Variants in KIFAP3 observed in about 807,000 individuals in gnomAD.
The protein encoded by KIFAP3 is kinesin associated protein 3, also known as kinesin-associated protein 3.
KIFAP3 carries 68 observed loss-of-function variants against 106.5 expected under a neutral mutation model. The ratio of observed to expected loss-of-function variants is 0.64; its 90% confidence interval spans 0.53 to 0.78. The LOEUF (loss-of-function observed/expected upper bound fraction) is 0.78, where lower values mean the gene tolerates loss of function less well. Ranked by LOEUF, KIFAP3 falls within the 30% of genes least tolerant of loss-of-function variation. The pLI is 0.00. For synonymous variants in KIFAP3, 320 were observed against 311.5 expected (o/e 1.03, Z -0.29); for missense variants, 780 against 941.8 (o/e 0.83, Z 2.25).
At chr1:170,002,449 G>T (rs1667712460) in intron 10 of KIFAP3, among the ~76,000 whole-genome samples, 1 of 152,126 alleles carries the variant, frequency 6.6e-6, no homozygotes, top group Non-Finnish European at 1.5e-5. Context: ...TTGTGAAACA[G>T]GCCTGATGTG....
chr1:170,039,170 G>C, intron 4 of KIFAP3, 63 bp downstream of exon 4: 1 of 920,782 alleles, frequency 1.1e-6, no homozygotes, highest in Non-Finnish European at 1.7e-6. Flanking sequence ...GTGTATTATT[G>C]ATGGAAAAAG....
chr1:169,964,016 G>C (rs974465636), intron 17 of KIFAP3, among the ~76,000 whole-genome samples: 15 of 152,006 alleles, frequency 9.9e-5, no homozygotes, highest in Non-Finnish European at 1.5e-5. Flanking sequence ...AGTTAAATCT[G>C]ATACTAAACT....
chr1:169,967,119 A>G (rs1365660190), intron 17 of KIFAP3, among the ~76,000 whole-genome samples: 1 of 151,798 alleles, frequency 6.6e-6, no homozygotes, highest in Admixed American at 6.6e-5. Flanking sequence ...AGACTTCAGG[A>G]AAGGTTCAAA....
At chr1:169,923,128 T>C (rs1288681372) in intron 19 of KIFAP3, 1 of 983,658 alleles carries the variant, frequency 1.0e-6, no homozygotes, top group Non-Finnish European at 1.2e-6. Context: ...CAGGTTAGCA[T>C]TTGTACTGAG....
intron 9 of KIFAP3, among the ~76,000 whole-genome samples, chr1:170,020,039 A>G (rs999886398): frequency 6.6e-6 from 1 of 152,234 alleles, no homozygotes. Context: ...AATATCAACC[A>G]AAACCAGGAA....
chr1:170,020,018 T>C (rs1033767439), intron 9 of KIFAP3, among the ~76,000 whole-genome samples: 46 of 152,220 alleles, frequency 3.0e-4, no homozygotes, highest in African/African-American at 1.1e-3. Context: ...AAATCAATTA[T>C]ATTTCTATAT....
At chr1:169,964,480 CA>C (rs1665500278) in intron 17 of KIFAP3, among the ~76,000 whole-genome samples, 1 of 152,120 alleles carries the variant, frequency 6.6e-6, no homozygotes, top group Non-Finnish European at 1.5e-5. Flanking sequence ...AAATAACCCC[CA>C]GGGACAACTT....
At position 169,921,747 on chromosome 1, in the gene KIFAP3, T is replaced by C. The variant is rs1209605453; in HGVS notation, c.2308A>G (p.Ile770Val). The change falls in exon 20 of 20, where the codon ATT (isoleucine) becomes GTT (valine). Residue 770 changes from isoleucine (I) to valine (V), a missense_variant. By Grantham distance (29) the Ile-to-Val change is conservative. This residue lies in a region of KIFAP3 where 114 missense variants were observed against 122.3 expected (regional missense o/e 0.93). Transcript: ENST00000361580. ...GMDGFGQPVGILGRPATAYGF... is the reference protein window; with the variant it reads ...GMDGFGQPVGVLGRPATAYGF... The stretch of plus-strand genomic sequence containing the variant: ...TATGCTGTGGCAGGGCGTCCAAGAA[T>C]GCCAACTGGTTGGCCAAAGCCATCC... 6.2e-7 allele frequency: 1 copy of C among 1,613,734 alleles called. No individual in the cohort carries two copies. The highest frequency in any genetic ancestry group is 8.5e-7 in the Non-Finnish European group (1 of 1,179,856).
At chr1:170,000,769 T>C (rs1667625260) in intron 10 of KIFAP3, among the ~76,000 whole-genome samples, 1 of 152,138 alleles carries the variant, frequency 6.6e-6, no homozygotes, top group South Asian at 2.1e-4. Flanking sequence ...TCTTTTATAA[T>C]ATATTTGTCT....
In KIFAP3 at chr1:170,074,631, C is replaced by T. The variant is rs1488061169; in HGVS notation, c.-164G>A. On this transcript the variant is annotated 5_prime_UTR_variant, in exon 1 of 20. Transcript: ENST00000361580. ...GCTGTGGTTACCACGGTGAAGCCTC[C>T]AGCTCCTCCCACAGCTTCTGTGCCC... 6.7e-7 allele frequency: 1 copy of T among 1,482,554 alleles called. No individual in the cohort carries two copies. Among genetic ancestry groups the T allele is most frequent in the Non-Finnish European group, 9.0e-7 (1 of 1,113,610 alleles). The allele number at this position is 1,482,554 out of a possible 1,614,324, so 91.8% of individuals were successfully genotyped here.
intron 19 of KIFAP3, among the ~76,000 whole-genome samples, chr1:169,953,264 C>G (rs79287437): frequency 6.6e-6 from 1 of 150,912 alleles, no homozygotes; most frequent in Admixed American, 6.6e-5. Flanking sequence ...CTTTTTTTTT[C>G]TCTTAATTAT....
chr1:170,041,228 G>A (rs954951838), intron 3 of KIFAP3, among the ~76,000 whole-genome samples: 1 of 152,144 alleles, frequency 6.6e-6, no homozygotes, highest in African/African-American at 2.4e-5. Flanking sequence ...TATATATTAA[G>A]TACAAGGCAT....
At chr1:169,965,980 CTCTTT>C (rs1412745585) in intron 17 of KIFAP3, among the ~76,000 whole-genome samples, 2 of 151,866 alleles carry the variant, frequency 1.3e-5, no homozygotes, top group Non-Finnish European at 2.9e-5. Flanking sequence ...TTCACCTTCT[CTCTTT>C]TATCAGTTTT....
chr1:169,934,465 A>G (rs1663674105), intron 19 of KIFAP3, among the ~76,000 whole-genome samples: 1 of 152,178 alleles, frequency 6.6e-6, no homozygotes, highest in South Asian at 2.1e-4. Flanking sequence ...TTTTCAAAGT[A>G]GTAAATCAAG....
chr1:169,950,311 G>A (rs1004250416), intron 19 of KIFAP3, among the ~76,000 whole-genome samples: 4 of 152,034 alleles, frequency 2.6e-5, no homozygotes, highest in Non-Finnish European at 5.9e-5. Flanking sequence ...ATATTGTTTC[G>A]TGTTTTATCC....
chr1:169,967,578 C>A (rs574105254), intron 17 of KIFAP3, among the ~76,000 whole-genome samples: 52 of 151,962 alleles, frequency 3.4e-4, no homozygotes, highest in African/African-American at 1.2e-3. Context: ...CTGAAGTATG[C>A]AACCTTCTAA....
intron 10 of KIFAP3, among the ~76,000 whole-genome samples, chr1:170,013,456 T>C (rs971046563): frequency 1.3e-5 from 2 of 148,822 alleles, no homozygotes; most frequent in Non-Finnish European, 3.0e-5. Flanking sequence ...ATCTACATAC[T>C]GAAGATGAGA....
intron 17 of KIFAP3, among the ~76,000 whole-genome samples, chr1:169,963,316 GTGTATA>G (rs1665433152): frequency 1.3e-5 from 2 of 152,300 alleles, no homozygotes; most frequent in Admixed American, 1.3e-4. Context: ...ATAGTCCATG[GTGTATA>G]TGTATAACAT....
At chr1:170,084,259 T>G (rs980650639) in intron 1 of KIFAP3, among the ~76,000 whole-genome samples, 2 of 152,210 alleles carry the variant, frequency 1.3e-5, no homozygotes, top group African/African-American at 2.4e-5. Context: ...GTACAGTGCC[T>G]TCTCTGTTCT....
Sources: allele counts gnomAD v4.1 joint callset (sites outside exome capture counted in the v4.1 genomes callset), GRCh38; gene constraint gnomAD v4.1.1; regional missense constraint gnomAD v4.1.1; transcripts MANE v1.5; gene names NCBI Gene and HGNC (gene_info 2026-07-23, HGNC 2026-07-21).